FRAS1: variants seen among roughly 807,000 people sequenced by gnomAD.
The protein encoded by FRAS1 is Fraser extracellular matrix complex subunit 1.
A neutral mutation model predicts 435.2 loss-of-function variants in FRAS1; 290 were observed. The observed-to-expected ratio is 0.67, with a 90% CI of 0.61 to 0.73. The LOEUF (loss-of-function observed/expected upper bound fraction) is 0.73, where lower values mean the gene tolerates loss of function less well. Ranked by LOEUF, FRAS1 falls within the 30% of genes least tolerant of loss-of-function variation. The probability of loss-of-function intolerance (pLI) is 0.00; values close to 1 mark genes in which losing one functional copy is unlikely to be tolerated. For missense variants in FRAS1, 4,860 were observed against 5,001.5 expected (o/e 0.97, Z 0.85); for synonymous variants, 1,800 against 1,851.0 (o/e 0.97, Z 0.71).
chr4:78,373,516 G>A (rs1348306336), intron 24 of FRAS1, among the ~76,000 whole-genome samples: 3 of 150,786 alleles, frequency 2.0e-5, no homozygotes, highest in African/African-American at 4.9e-5. Context: ...GGTGGCTCAC[G>A]TCTGTAATCC....
chr4:78,465,366 A>C (rs183858155), intron 49 of FRAS1, among the ~76,000 whole-genome samples: 14 of 152,364 alleles, frequency 9.2e-5, no homozygotes, highest in Admixed American at 8.5e-4. Context: ...TATCAGATAC[A>C]ATAAGTGCTA....
intron 14 of FRAS1, among the ~76,000 whole-genome samples, chr4:78,292,854 G>A (rs1727961536): frequency 6.6e-6 from 1 of 152,144 alleles, no homozygotes; most frequent in African/African-American, 2.4e-5. Context: ...TTCTACCACT[G>A]CCTTCACTCA....
At chr4:78,330,103 T>C (rs913484368) in intron 18 of FRAS1, among the ~76,000 whole-genome samples, 43 of 152,322 alleles carry the variant, frequency 2.8e-4, no homozygotes, top group African/African-American at 9.6e-4. Flanking sequence ...GCTGAAGCCA[T>C]GGCAGAAGAA....
At chr4:78,357,624 G>A (rs1040012004) in intron 20 of FRAS1, among the ~76,000 whole-genome samples, 8 of 152,060 alleles carry the variant, frequency 5.3e-5, no homozygotes, top group South Asian at 2.1e-4. Flanking sequence ...TTTTTCGGCC[G>A]GGTGAGGTGG....
At chr4:78,159,301 A>C (rs1233030333) in intron 2 of FRAS1, among the ~76,000 whole-genome samples, 7 of 152,180 alleles carry the variant, frequency 4.6e-5, no homozygotes, top group Non-Finnish European at 2.9e-5. Flanking sequence ...GGAAGTGACC[A>C]AGGAAAGCAA....
chr4:78,376,715 G>C (rs908199162), intron 26 of FRAS1, among the ~76,000 whole-genome samples: 1 of 152,166 alleles, frequency 6.6e-6, no homozygotes, highest in Non-Finnish European at 1.5e-5. Context: ...CATCGGCCGG[G>C]CATGGTGGCT....
rs145878885 is a variant in FRAS1 at position 78,315,832 on chromosome 4, T to G, written c.1819+98T>G. 1,491 of 1,297,586 alleles carry G rather than the reference T, an allele frequency of 1.1e-3. 12 individuals carry two copies. In the Middle Eastern group the frequency reaches 0.014, roughly 12 times the overall value. The allele number at this position is 1,297,586 out of a possible 1,614,324, so 80.4% of individuals were successfully genotyped here. ...TTGCTAATTTGGGAACTCGAGTGTA[T>G]GATGGGAAAGCATAACTTTAAAAGA... On this transcript the variant is annotated intron_variant, in intron 16 of 73. Coordinates refer to ENST00000512123, the MANE Select transcript of FRAS1 (RefSeq NM_025074.7).
In FRAS1 at chr4:78,058,872, T is replaced by C. The variant is rs763255940; in HGVS notation, c.76+787T>C. ...ATGAGTCAATAAGTAAATCAAGAGTTTGGGGTCATGGGATGCCGGGCCTGG... is the reference window on the plus strand; with the variant it reads ...ATGAGTCAATAAGTAAATCAAGAGTCTGGGGTCATGGGATGCCGGGCCTGG... On this transcript the variant is annotated intron_variant, in intron 1 of 73. Transcript: ENST00000512123. 3.9e-5 allele frequency among the ~76,000 whole-genome samples: 6 copies of C among 152,154 alleles called. No individual in the cohort carries two copies. The South Asian group carries it at 6.2e-4, about 16-fold the overall frequency.
chr4:78,377,841 C>A (rs1282253666), intron 26 of FRAS1, among the ~76,000 whole-genome samples: 1 of 151,284 alleles, frequency 6.6e-6, no homozygotes, highest in African/African-American at 2.5e-5. Flanking sequence ...CCAAGAACAT[C>A]CAAGTCAGAA....
chr4:78,446,225 G>A (rs769473097), intron 42 of FRAS1: 24 of 996,300 alleles, frequency 2.4e-5, no homozygotes, highest in Non-Finnish European at 2.6e-5. Context: ...CTCTGCCTTG[G>A]GAAAATAAAA....
chr4:78,252,262 A>G (rs1725567706), intron 4 of FRAS1, 130 bp from the exon 5 acceptor site: 1 of 874,912 alleles, frequency 1.1e-6, no homozygotes, highest in Non-Finnish European at 1.7e-6. Flanking sequence ...TTGCAAGCTC[A>G]TAGCTTTATT....
At chr4:78,308,550 C>T (rs1391743567) in intron 15 of FRAS1, among the ~76,000 whole-genome samples, 1 of 152,216 alleles carries the variant, frequency 6.6e-6, no homozygotes, top group African/African-American at 2.4e-5. Flanking sequence ...AAACTCTCTA[C>T]CAACACCAGA....
At position 78,451,776 on chromosome 4, in the gene FRAS1, C is replaced by T. The variant is rs753752; in HGVS notation, c.6468C>T (p.His2156=). The T allele has an allele frequency of 0.71, 1,130,310 of 1,599,366 alleles. 405,000 individuals carry two copies. The highest frequency in any genetic ancestry group is 0.74 in the Non-Finnish European group (869,315 of 1,173,208). Reference sequence around the variant, plus strand: ...GATTTTTTTTCCTTTTTATAGGCCACGTAGAATATAGTCATGGAACAGGAG... The same window carrying T: ...GATTTTTTTTCCTTTTTATAGGCCATGTAGAATATAGTCATGGAACAGGAG... The part of the protein sequence containing the change: ...SFTQADISQG[H]VEYSHGTGEP... Residue 2156 remains histidine (H), a synonymous_variant, in exon 46 of 74, where the codon CAC becomes CAT. Transcript: ENST00000512123.
At chr4:78,073,338 T>TTTG (rs1243775358) in intron 2 of FRAS1, among the ~76,000 whole-genome samples, 7 of 152,192 alleles carry the variant, frequency 4.6e-5, no homozygotes, top group Non-Finnish European at 1.0e-4. Context: ...ATGTTTTAAG[T>TTTG]TAACAAACAC....
chr4:78,300,036 T>C (rs1728314651), intron 14 of FRAS1, among the ~76,000 whole-genome samples: 1 of 152,172 alleles, frequency 6.6e-6, no homozygotes, highest in Non-Finnish European at 1.5e-5. Flanking sequence ...TTTGTTTGTT[T>C]TGGTAATGAC....
chr4:78,305,554 G>C (rs1245857577), intron 14 of FRAS1, among the ~76,000 whole-genome samples: 1 of 130,166 alleles, frequency 7.7e-6, no homozygotes, highest in African/African-American at 2.9e-5. Context: ...TGCTGTATTG[G>C]GTGCATATAT....
At chr4:78,134,029 G>A (rs1361618742) in intron 2 of FRAS1, among the ~76,000 whole-genome samples, 5 of 147,648 alleles carry the variant, frequency 3.4e-5, no homozygotes, top group Admixed American at 6.9e-5. Context: ...GCCTGATCTC[G>A]GCTCACTGCA....
At chr4:78,134,300 C>G (rs563897927) in intron 2 of FRAS1, among the ~76,000 whole-genome samples, 13 of 152,258 alleles carry the variant, frequency 8.5e-5, no homozygotes, top group African/African-American at 3.1e-4. Context: ...GCCTCAGGAC[C>G]TCCTCTTGGT....
intron 52 of FRAS1, among the ~76,000 whole-genome samples, 174 bp from the exon 53 acceptor site, chr4:78,473,264 A>G (rs1719762595): frequency 6.6e-6 from 1 of 152,062 alleles, no homozygotes; most frequent in South Asian, 2.1e-4. Flanking sequence ...TCAGGATTTT[A>G]TTTTAAAATC....
Sources: gnomAD v4.1 joint callset for allele counts (sites outside exome capture counted in the v4.1 genomes callset) on GRCh38, gnomAD v4.1.1 for gene constraint, MANE v1.5 for transcripts, NCBI Gene and HGNC (gene_info 2026-07-23, HGNC 2026-07-21) for gene names.